The following PLCG2 variants were observed in gnomAD, a reference collection of about 807,000 sequenced individuals.
The protein encoded by PLCG2 is 1-phosphatidylinositol 4,5-bisphosphate phosphodiesterase gamma-2.
In PLCG2, 69 loss-of-function variants were observed where a neutral mutation model predicts 175.6. The observed-to-expected ratio is 0.39, with a 90% CI of 0.32 to 0.48. PLCG2 has a LOEUF of 0.48. Ranked by LOEUF, PLCG2 falls within the 20% of genes least tolerant of loss-of-function variation. The pLI is 0.91. For missense variants in PLCG2, 1,798 were observed against 1,650.9 expected, an observed-to-expected ratio of 1.09 and a Z score of -1.54; for synonymous variants, 827 against 624.0, an observed-to-expected ratio of 1.33 and a Z score of -4.85.
Position 81,923,506 on chromosome 16 carries a change from C to T in PLCG2, c.2329C>T (p.Leu777=), listed in dbSNP as rs181588253. 1 of 1,612,392 alleles carries T rather than the reference C, an allele frequency of 6.2e-7. No homozygotes were observed. Among genetic ancestry groups the T allele is most frequent in the Non-Finnish European group, 8.5e-7 (1 of 1,178,574 alleles). ...PSMPQRTVKA[L]YDYKAKRSDE... is the part of the protein sequence containing the mutation. ...AAAGCCTCAGAGAACCGTGAAAGCT[C>T]TGTATGACTACAAAGCCAAGCGAAG... Residue 777 remains leucine (L), a synonymous_variant, in exon 22 of 33, where the codon CTG becomes TTG. Transcript: ENST00000564138.
At chr16:81,831,009 G>T (rs1008252827) in intron 2 of PLCG2, among the ~76,000 whole-genome samples, 4 of 152,038 alleles carry the variant, frequency 2.6e-5, no homozygotes, top group Non-Finnish European at 4.4e-5. Context: ...TTCCATCTTG[G>T]GGCCTTTGCA....
chr16:81,893,004 C>T (rs1330517121), intron 11 of PLCG2, among the ~76,000 whole-genome samples: 3 of 151,968 alleles, frequency 2.0e-5, no homozygotes, highest in South Asian at 2.1e-4. Context: ...GCCACCATGC[C>T]CTGTTTTGTT....
chr16:81,945,826 C>T (rs759948045), intron 30 of PLCG2, among the ~76,000 whole-genome samples: 1 of 152,216 alleles, frequency 6.6e-6, no homozygotes, highest in Non-Finnish European at 1.5e-5. Context: ...GGATTCACTA[C>T]TCTTTTGGTC....
At chr16:81,829,212 G>A (rs1905163699) in intron 2 of PLCG2, among the ~76,000 whole-genome samples, 1 of 152,128 alleles carries the variant, frequency 6.6e-6, no homozygotes. Flanking sequence ...GGGTTCAAGC[G>A]ATTCTCCTGC....
At chr16:81,849,230 G>A (rs924236951) in intron 2 of PLCG2, among the ~76,000 whole-genome samples, 1 of 152,160 alleles carries the variant, frequency 6.6e-6, no homozygotes, top group Non-Finnish European at 1.5e-5. Flanking sequence ...ATAACGTACT[G>A]CTTTAAGGAG....
intron 2 of PLCG2, among the ~76,000 whole-genome samples, chr16:81,758,818 C>G (rs1270948997): frequency 6.6e-6 from 1 of 152,136 alleles, no homozygotes; most frequent in Non-Finnish European, 1.5e-5. Context: ...GCTGGGATTA[C>G]AGGTGCACAC....
At chr16:81,793,673 A>G (rs1334303122) in intron 2 of PLCG2, among the ~76,000 whole-genome samples, 2 of 152,214 alleles carry the variant, frequency 1.3e-5, no homozygotes, top group South Asian at 4.1e-4. Flanking sequence ...TTCCCACTTA[A>G]TAATGATAAT....
intron 17 of PLCG2, 26 bp downstream of exon 17, chr16:81,908,617 C>T (rs1909482254): frequency 6.3e-7 from 1 of 1,577,866 alleles, no homozygotes; most frequent in Non-Finnish European, 8.6e-7. Context: ...CAGGGAACGC[C>T]TACCTTCTTC....
intron 24 of PLCG2, 97 bp downstream of exon 24, chr16:81,928,721 C>T: frequency 1.2e-6 from 1 of 812,324 alleles, no homozygotes; most frequent in Non-Finnish European, 2.2e-6. Flanking sequence ...GACACAGGGT[C>T]CTGTCTTGAA....
chr16:81,892,718 G>A (rs1908693973), intron 11 of PLCG2, among the ~76,000 whole-genome samples: 1 of 152,104 alleles, frequency 6.6e-6, no homozygotes, highest in African/African-American at 2.4e-5. Flanking sequence ...GTCAACTTGT[G>A]TCATGGAGGT....
chr16:81,744,520 C>T (rs1909665628), intron 1 of PLCG2, among the ~76,000 whole-genome samples: 1 of 152,116 alleles, frequency 6.6e-6, no homozygotes, highest in South Asian at 2.1e-4. Flanking sequence ...TCACTTGTAA[C>T]CAAAAAAATT....
At chr16:81,882,457 G>A (rs530041512) in intron 8 of PLCG2, among the ~76,000 whole-genome samples, 4 of 152,176 alleles carry the variant, frequency 2.6e-5, no homozygotes, top group Admixed American at 6.5e-5. Context: ...ACTCTGGATC[G>A]TGGCTTCTGA....
chr16:81,903,108 A>T (rs1260744951), intron 14 of PLCG2, among the ~76,000 whole-genome samples: 2 of 152,174 alleles, frequency 1.3e-5, no homozygotes, highest in African/African-American at 2.4e-5. Flanking sequence ...TACATTGGGG[A>T]TTAGGTTTCA....
At chr16:81,934,321 C>A (rs944973580) in intron 25 of PLCG2, 108 bp from the exon 26 acceptor site, 3 of 679,994 alleles carry the variant, frequency 4.4e-6, no homozygotes, top group Non-Finnish European at 5.3e-6. Flanking sequence ...TATTAAAGAT[C>A]CGAGTGTGCA....
At chr16:81,853,158 C>G (rs1344955498) in intron 2 of PLCG2, among the ~76,000 whole-genome samples, 5 of 152,190 alleles carry the variant, frequency 3.3e-5, no homozygotes, top group South Asian at 2.1e-4. Context: ...TGATGAAACC[C>G]CATCTCTACT....
In PLCG2 at chr16:81,760,466, G is replaced by A. The variant is rs1005150082; in HGVS notation, c.-48+4500G>A. Among the ~76,000 whole-genome samples, 3 of 152,312 alleles carry A rather than the reference G, an allele frequency of 2.0e-5. No individual in the cohort carries two copies. In the East Asian group the frequency reaches 5.8e-4, roughly 29 times the overall value. On this transcript the variant is annotated intron_variant, in intron 2 of 5. Transcript: ENST00000565054. ...CTGGTACGTCTGACTATGGGGCAGA[G>A]CTGAGCGTCCCTACCCAAGCTGCAA...
At chr16:81,831,414 T>C (rs4547325) in intron 2 of PLCG2, among the ~76,000 whole-genome samples, 130,406 of 152,232 alleles carry the variant, frequency 0.86, 55,874 homozygotes, top group East Asian at 0.93. Context: ...ACAGGCTGTG[T>C]GCCAGGCACT....
chr16:81,878,453 A>G (rs1366259328), intron 7 of PLCG2, among the ~76,000 whole-genome samples: 2 of 152,178 alleles, frequency 1.3e-5, no homozygotes, highest in African/African-American at 2.4e-5. Context: ...ACACCATCCT[A>G]TACATAATAC....
At chr16:81,910,399 C>G (rs1432382513) in intron 17 of PLCG2, 121 bp from the exon 18 acceptor site, 2 of 854,380 alleles carry the variant, frequency 2.3e-6, no homozygotes, top group African/African-American at 1.7e-5. Context: ...CCTCCTGTGT[C>G]TGTTCTAGGA....
Sources: gnomAD v4.1 joint callset for allele counts (sites outside exome capture counted in the v4.1 genomes callset) on GRCh38, gnomAD v4.1.1 for gene constraint, MANE v1.5 for transcripts, NCBI Gene and HGNC (gene_info 2026-07-23, HGNC 2026-07-21) for gene names.